Variants in ADGRL2 observed in about 807,000 individuals in gnomAD.
ADGRL2 encodes calcium-independent alpha-latrotoxin receptor 2.
In ADGRL2, 44 loss-of-function variants were observed where a neutral mutation model predicts 157.4. The ratio of observed to expected loss-of-function variants is 0.28; its 90% CI spans 0.22 to 0.36. ADGRL2 has a LOEUF of 0.36. Among genes scored for constraint, ADGRL2 ranks in the 10% least tolerant of loss-of-function variants. The pLI, the probability that ADGRL2 is intolerant of heterozygous loss-of-function variation, is 1.00. For synonymous variants in ADGRL2, 585 were observed against 624.7 expected (o/e 0.94, Z 0.95); for missense variants, 1,510 against 1,768.9 (o/e 0.85, Z 2.63).
At chr1:81,639,712 C>T (rs939299737) in intron 3 of ADGRL2, among the ~76,000 whole-genome samples, 3 of 152,076 alleles carry the variant, frequency 2.0e-5, no homozygotes, top group African/African-American at 7.2e-5. Flanking sequence ...TCCAAGAAGA[C>T]ATAACAATCC....
At chr1:81,328,116 A>G (rs1661021611) in intron 1 of ADGRL2, among the ~76,000 whole-genome samples, 1 of 152,176 alleles carries the variant, frequency 6.6e-6, no homozygotes, top group Admixed American at 6.6e-5. Flanking sequence ...TGCCATAAGG[A>G]GCATTGACAG....
intron 3 of ADGRL2, among the ~76,000 whole-genome samples, chr1:81,653,056 T>C (rs1394789857): frequency 6.6e-6 from 1 of 152,224 alleles, no homozygotes; most frequent in East Asian, 1.9e-4. Context: ...GTGGTCTCTG[T>C]AACTCCTTTA....
chr1:81,376,050 G>A (rs1192321427), intron 1 of ADGRL2, among the ~76,000 whole-genome samples: 2 of 152,124 alleles, frequency 1.3e-5, no homozygotes, highest in East Asian at 3.9e-4. Flanking sequence ...ACCCTTAGGT[G>A]GACTGACCCC....
In ADGRL2 at chr1:81,641,468, T is replaced by C. The variant is rs34826299; in HGVS notation, c.-143+60488T>C. Among the ~76,000 whole-genome samples, 1,074 of 152,284 alleles carry C rather than the reference T, an allele frequency of 7.1e-3. 10 individuals carry two copies. Among genetic ancestry groups the C allele is most frequent in the Non-Finnish European group, 0.012 (833 of 68,012 alleles). On this transcript the variant is annotated intron_variant, in intron 3 of 24. Transcript: ENST00000370721. ...AATTATGAGAATAAAGATCATACAG[T>C]ATATGTCTGATCTTAGACCAAAAGG...
chr1:81,835,691 G>T (rs1249807705), intron 1 of ADGRL2, among the ~76,000 whole-genome samples: 1 of 151,998 alleles, frequency 6.6e-6, no homozygotes, highest in Non-Finnish European at 1.5e-5. Flanking sequence ...ACTGATGTTG[G>T]TGATGCCTCC....
intron 2 of ADGRL2, among the ~76,000 whole-genome samples, chr1:81,902,918 G>A (rs1464499829): frequency 6.6e-6 from 1 of 152,126 alleles, no homozygotes; most frequent in African/African-American, 2.4e-5. Context: ...CTATATGGAT[G>A]TGCACAGCAC....
At chr1:81,491,480 C>T (rs1241374068) in intron 2 of ADGRL2, among the ~76,000 whole-genome samples, 1 of 151,868 alleles carries the variant, frequency 6.6e-6, no homozygotes, top group East Asian at 1.9e-4. Flanking sequence ...ATTTGTAAGC[C>T]TAGAGATGAA....
At chr1:81,455,585 AAGCCATGTGTTCTGCTTATTTGTTTTTT>A in intron 2 of ADGRL2, among the ~76,000 whole-genome samples, 1 of 152,192 alleles carries the variant, frequency 6.6e-6, no homozygotes, top group Non-Finnish European at 1.5e-5. Flanking sequence ...ATAAAGGAAG[AAGCCATGTGTTCTGCTTATTTGTTTTTT>A]ATTTTCTCCC....
chr1:81,880,473 A>G (rs1377765370), intron 2 of ADGRL2, among the ~76,000 whole-genome samples: 1 of 152,194 alleles, frequency 6.6e-6, no homozygotes, highest in Non-Finnish European at 1.5e-5. Flanking sequence ...ACCAGGAAGA[A>G]GTAGGCATGC....
intron 3 of ADGRL2, among the ~76,000 whole-genome samples, chr1:81,931,930 G>A (rs1162070277): frequency 6.6e-6 from 1 of 152,128 alleles, no homozygotes; most frequent in African/African-American, 2.4e-5. Context: ...GTGAGCAATA[G>A]CGCCTGACCC....
At chr1:81,859,153 T>C (rs1309064571) in intron 2 of ADGRL2, among the ~76,000 whole-genome samples, 2 of 2,030 alleles carry the variant, frequency 9.9e-4, no homozygotes, top group East Asian at 0.25. Flanking sequence ...ATTTTGTCAC[T>C]GAGTTTTTAC....
intron 3 of ADGRL2, among the ~76,000 whole-genome samples, chr1:81,912,584 G>T (rs1229416438): frequency 2.6e-5 from 4 of 152,090 alleles, no homozygotes; most frequent in African/African-American, 9.7e-5. Context: ...GTGAATAAAT[G>T]ATATCACCCA....
chr1:81,584,264 A>G (rs748534526), intron 3 of ADGRL2, among the ~76,000 whole-genome samples: 4 of 152,186 alleles, frequency 2.6e-5, no homozygotes, highest in Non-Finnish European at 5.9e-5. Flanking sequence ...ATTAGCAAAT[A>G]ACCCTCACTG....
intron 3 of ADGRL2, among the ~76,000 whole-genome samples, chr1:81,925,384 T>C (rs1293536711): frequency 2.0e-5 from 3 of 152,006 alleles, no homozygotes; most frequent in Admixed American, 6.6e-5. Flanking sequence ...TGCCAAAATA[T>C]TTTAGAAGTT....
chr1:81,751,656 T>A (rs1022536252), intron 1 of ADGRL2, among the ~76,000 whole-genome samples: 29 of 152,284 alleles, frequency 1.9e-4, no homozygotes, highest in African/African-American at 6.7e-4. Flanking sequence ...AGTGGCAAAA[T>A]TTGAAGGGGA....
At chr1:81,511,778 G>A (rs548018997) in intron 2 of ADGRL2, among the ~76,000 whole-genome samples, 3 of 152,038 alleles carry the variant, frequency 2.0e-5, no homozygotes, top group African/African-American at 4.8e-5. Context: ...CCAAATTATA[G>A]AGAAAACAAT....
At chr1:81,563,630 T>C (rs1431515084) in intron 2 of ADGRL2, among the ~76,000 whole-genome samples, 2 of 152,208 alleles carry the variant, frequency 1.3e-5, no homozygotes, top group Non-Finnish European at 2.9e-5. Context: ...ACTCTTTTTT[T>C]GTTTTTCAGT....
At chr1:81,722,782 G>C in intron 1 of ADGRL2, 2 of 761,602 alleles carry the variant, frequency 2.6e-6, no homozygotes, top group South Asian at 2.8e-5. Flanking sequence ...AGCCCGGAGG[G>C]AGGAAGAAGC....
At chr1:81,867,083 A>C (rs1425868385) in intron 2 of ADGRL2, among the ~76,000 whole-genome samples, 1 of 152,216 alleles carries the variant, frequency 6.6e-6, no homozygotes, top group Non-Finnish European at 1.5e-5. Context: ...AGACACAAGA[A>C]TTTGAGATCT....
Sources: gnomAD v4.1 joint callset for allele counts (sites outside exome capture counted in the v4.1 genomes callset) on GRCh38, gnomAD v4.1.1 for gene constraint, MANE v1.5 for transcripts, NCBI Gene and HGNC (gene_info 2026-07-23, HGNC 2026-07-21) for gene names.